The following LSAMP variants were observed in gnomAD, a reference collection of about 807,000 sequenced individuals.
The protein encoded by LSAMP is limbic system associated membrane protein, also known as limbic system-associated membrane protein.
Under a neutral mutation model 38.6 loss-of-function variants are expected in LSAMP, and 7 were observed. That is an observed-to-expected ratio of 0.18 (90% CI 0.10 to 0.34). The LOEUF (loss-of-function observed/expected upper bound fraction) is 0.34, where lower values mean the gene tolerates loss of function less well. Among genes scored for constraint, LSAMP ranks in the 10% least tolerant of loss-of-function variants. The pLI, the probability that LSAMP is intolerant of heterozygous loss-of-function variation, is 1.00. For synonymous variants in LSAMP, 154 were observed against 166.8 expected (o/e 0.92, Z 0.59); for missense variants, 313 against 420.0 (o/e 0.75, Z 2.23).
intron 6 of LSAMP, among the ~76,000 whole-genome samples, chr3:115,838,587 A>G (rs1934873948): frequency 1.3e-5 from 2 of 152,248 alleles, no homozygotes; most frequent in South Asian, 4.1e-4. Flanking sequence ...ATGAAGAAAA[A>G]GATATACAAG....
intron 1 of LSAMP, among the ~76,000 whole-genome samples, chr3:116,295,345 T>C (rs2047317378): frequency 6.6e-6 from 1 of 152,220 alleles, no homozygotes; most frequent in Non-Finnish European, 1.5e-5. Context: ...AAGATTGAGT[T>C]ATTTCAATAT....
chr3:116,336,942 G>GCA (rs148798588), intron 1 of LSAMP, among the ~76,000 whole-genome samples: 14 of 149,952 alleles, frequency 9.3e-5, no homozygotes, highest in East Asian at 2.0e-4. Flanking sequence ...ACTATATTTG[G>GCA]CACACACACA....
chr3:115,891,616 A>G (rs1215056151), intron 3 of LSAMP, among the ~76,000 whole-genome samples: 1 of 152,006 alleles, frequency 6.6e-6, no homozygotes, highest in African/African-American at 2.4e-5. Flanking sequence ...AGCAACAGAA[A>G]ATGAATAGTC....
At chr3:116,443,287 C>T (rs750057237) in intron 1 of LSAMP, among the ~76,000 whole-genome samples, 3 of 152,174 alleles carry the variant, frequency 2.0e-5, no homozygotes, top group Non-Finnish European at 4.4e-5. Flanking sequence ...AATCTGATTA[C>T]TCCATGTGGA....
intron 1 of LSAMP, among the ~76,000 whole-genome samples, chr3:116,193,552 A>AG (rs1710804881): frequency 1.3e-5 from 2 of 152,366 alleles, no homozygotes; most frequent in South Asian, 4.1e-4. Flanking sequence ...CAACAAAAAA[A>AG]GTATATTTAC....
At chr3:116,399,893 CTG>C (rs1231136251) in intron 1 of LSAMP, among the ~76,000 whole-genome samples, 1 of 152,154 alleles carries the variant, frequency 6.6e-6, no homozygotes, top group Non-Finnish European at 1.5e-5. Context: ...CAGCAAGAGA[CTG>C]TATTCAGAGT....
At chr3:115,843,190 G>C (rs1935049645) in intron 4 of LSAMP, among the ~76,000 whole-genome samples, 2 of 152,130 alleles carry the variant, frequency 1.3e-5, no homozygotes, top group South Asian at 2.1e-4. Flanking sequence ...TTTATGTGTG[G>C]GGGTACGGTT....
At chr3:115,972,263 C>A (rs560924572) in intron 3 of LSAMP, among the ~76,000 whole-genome samples, 27 of 151,974 alleles carry the variant, frequency 1.8e-4, no homozygotes, top group Admixed American at 1.8e-3. Flanking sequence ...GCAACTAAAT[C>A]ATATGAAAAG....
intron 1 of LSAMP, among the ~76,000 whole-genome samples, chr3:116,231,990 T>C (rs1432021816): frequency 6.6e-6 from 1 of 152,178 alleles, no homozygotes; most frequent in Non-Finnish European, 1.5e-5. Context: ...CCTTCTTAAG[T>C]CTTGTATCCC....
chr3:115,989,404 T>G (rs1464461413), intron 3 of LSAMP, among the ~76,000 whole-genome samples: 1 of 152,140 alleles, frequency 6.6e-6, no homozygotes, highest in African/African-American at 2.4e-5. Context: ...AAGCTTGATA[T>G]TGCAATGAAG....
intron 1 of LSAMP, among the ~76,000 whole-genome samples, chr3:116,170,482 TG>T (rs1348842768): frequency 1.3e-5 from 2 of 152,200 alleles, no homozygotes; most frequent in African/African-American, 4.8e-5. Context: ...GTTATTATTA[TG>T]AGATTATGTT....
chr3:115,934,979 G>A (rs1937649090), intron 3 of LSAMP, among the ~76,000 whole-genome samples: 1 of 151,508 alleles, frequency 6.6e-6, no homozygotes, highest in Non-Finnish European at 1.5e-5. Flanking sequence ...TCAAAATTGA[G>A]TACTAAATTA....
chr3:115,849,356 G>C (rs1935258477), intron 4 of LSAMP, among the ~76,000 whole-genome samples: 1 of 152,186 alleles, frequency 6.6e-6, no homozygotes, highest in Non-Finnish European at 1.5e-5. Context: ...CTCAACAGGA[G>C]AGACTGTTAT....
chr3:116,306,512 T>G (rs1197048663), intron 1 of LSAMP, among the ~76,000 whole-genome samples: 2 of 152,014 alleles, frequency 1.3e-5, no homozygotes, highest in Non-Finnish European at 2.9e-5. Context: ...AATGAAGGAT[T>G]CTTACACTTG....
intron 1 of LSAMP, among the ~76,000 whole-genome samples, chr3:116,442,790 A>ATTTCTCTCACT (rs1431804851): frequency 2.0e-5 from 3 of 152,162 alleles, no homozygotes; most frequent in Non-Finnish European, 4.4e-5. Context: ...TTTCTCTCAG[A>ATTTCTCTCACT]GTCCCTATTT....
At chr3:116,254,456 G>T (rs550579656) in intron 1 of LSAMP, among the ~76,000 whole-genome samples, 1 of 152,228 alleles carries the variant, frequency 6.6e-6, no homozygotes, top group South Asian at 2.1e-4. Context: ...AAAGGAAGAA[G>T]GGAGAAGGAG....
intron 3 of LSAMP, among the ~76,000 whole-genome samples, chr3:115,967,707 A>G (rs1210299886): frequency 6.6e-6 from 1 of 152,248 alleles, no homozygotes; most frequent in East Asian, 1.9e-4. Flanking sequence ...AGCAAGTCAC[A>G]TTTTATGTGG....
intron 2 of LSAMP, 79 bp from the exon 3 acceptor site, chr3:116,019,719 A>T (rs1184138099): frequency 2.0e-6 from 3 of 1,489,770 alleles, no homozygotes; most frequent in Admixed American, 3.4e-5. Context: ...GAAGTGGCAA[A>T]TTCAAGGTTT....
At chr3:116,068,656 G>C (rs1281454391) in intron 2 of LSAMP, among the ~76,000 whole-genome samples, 1 of 152,178 alleles carries the variant, frequency 6.6e-6, no homozygotes, top group East Asian at 1.9e-4. Flanking sequence ...CAAAGGTAGA[G>C]TGATGAAGAA....
Sources: allele counts gnomAD v4.1 joint callset (sites outside exome capture counted in the v4.1 genomes callset), GRCh38; gene constraint gnomAD v4.1.1; transcripts MANE v1.5; gene names NCBI Gene and HGNC (gene_info 2026-07-23, HGNC 2026-07-21).